Variants in GMDS observed in about 807,000 individuals in gnomAD.
GMDS encodes GDP-mannose 4,6 dehydratase.
In GMDS, 20 loss-of-function variants were observed where a neutral mutation model predicts 49.9. The ratio of observed to expected loss-of-function variants is 0.40; its 90% CI spans 0.28 to 0.58. The LOEUF (loss-of-function observed/expected upper bound fraction) is 0.58. Among genes scored for constraint, GMDS ranks in the 20% least tolerant of loss-of-function variants. GMDS has a pLI of 0.42. For synonymous variants in GMDS, 177 were observed against 178.6 expected (o/e 0.99, Z 0.07); for missense variants, 362 against 481.4 (o/e 0.75, Z 2.32).
At chr6:2,054,223 A>G (rs1238177222) in intron 4 of GMDS, among the ~76,000 whole-genome samples, 1 of 152,154 alleles carries the variant, frequency 6.6e-6, no homozygotes, top group Non-Finnish European at 1.5e-5. Flanking sequence ...AAAAAGGAAG[A>G]TATCCAGAAG....
intron 1 of GMDS, among the ~76,000 whole-genome samples, chr6:2,155,868 C>T (rs1034226779): frequency 6.6e-5 from 10 of 151,986 alleles, no homozygotes; most frequent in Admixed American, 1.3e-4. Flanking sequence ...TTCTAAATTA[C>T]GTAAATGAAA....
intron 1 of GMDS, among the ~76,000 whole-genome samples, chr6:2,150,426 T>C (rs927603994): frequency 4.6e-5 from 7 of 152,142 alleles, no homozygotes; most frequent in Non-Finnish European, 2.9e-5. Context: ...AAAATTTCAC[T>C]AAGTGGAATG....
chr6:2,089,024 A>G (rs1294121174), intron 4 of GMDS, among the ~76,000 whole-genome samples: 2 of 152,352 alleles, frequency 1.3e-5, no homozygotes, highest in East Asian at 1.9e-4. Flanking sequence ...TGTGTAAATC[A>G]CTACACGAAA....
intron 7 of GMDS, among the ~76,000 whole-genome samples, chr6:1,851,715 A>G (rs558861308): frequency 6.6e-6 from 1 of 152,316 alleles, no homozygotes; most frequent in East Asian, 1.9e-4. Flanking sequence ...TATATTTTTT[A>G]AAAATAATAA....
At chr6:2,017,232 T>C (rs2127401384) in intron 4 of GMDS, among the ~76,000 whole-genome samples, 1 of 151,892 alleles carries the variant, frequency 6.6e-6, no homozygotes, top group East Asian at 1.9e-4. Context: ...ATGCCAGGAA[T>C]GAAAGACAGC....
chr6:2,150,565 C>A (rs1776792688), intron 1 of GMDS, among the ~76,000 whole-genome samples: 1 of 152,110 alleles, frequency 6.6e-6, no homozygotes. Context: ...CCACTAACTT[C>A]TTTTGGCTTC....
chr6:2,070,817 T>G (rs73412572), intron 4 of GMDS, among the ~76,000 whole-genome samples: 1,952 of 152,302 alleles, frequency 0.013, 34 homozygotes, highest in African/African-American at 0.043. Context: ...TTCCAATTCC[T>G]GAACACAGAT....
chr6:1,913,721 A>G (rs1761202390), intron 7 of GMDS, among the ~76,000 whole-genome samples: 1 of 152,192 alleles, frequency 6.6e-6, no homozygotes, highest in Admixed American at 6.5e-5. Flanking sequence ...CACTCAGAAA[A>G]CCACAGGGGT....
intron 4 of GMDS, among the ~76,000 whole-genome samples, chr6:2,099,678 T>C (rs1365511691): frequency 6.6e-6 from 1 of 152,110 alleles, no homozygotes; most frequent in Non-Finnish European, 1.5e-5. Flanking sequence ...CTTTAATTTA[T>C]ACTTTCTGAC....
At chr6:2,154,862 G>GAAAAAAAAAAAAAAAAA (rs1562103386) in intron 1 of GMDS, among the ~76,000 whole-genome samples, 2 of 33,830 alleles carry the variant, frequency 5.9e-5, no homozygotes, top group African/African-American at 1.5e-4. Flanking sequence ...TTGAAGAGAT[G>GAAAAAAAAAAAAAAAAA]CAAAAAAAAA....
At chr6:2,002,543 C>A (rs1561964482) in intron 4 of GMDS, among the ~76,000 whole-genome samples, 3 of 152,202 alleles carry the variant, frequency 2.0e-5, no homozygotes, top group African/African-American at 7.2e-5. Context: ...TTCAATGTCA[C>A]TATTTATTCC....
At chr6:1,897,467 G>A (rs1051872995) in intron 7 of GMDS, among the ~76,000 whole-genome samples, 3 of 152,184 alleles carry the variant, frequency 2.0e-5, no homozygotes, top group Non-Finnish European at 4.4e-5. Flanking sequence ...TGGAAAGGGA[G>A]CTTAATGTGG....
In GMDS at chr6:2,235,294, A is replaced by G. The variant is rs114556928; in HGVS notation, c.102+10027T>C. ...AGACTTCTTCAGGCCAACTGAGACT[A>G]ATCTATCAGATTAAACTTACTAAAC... is the stretch of plus-strand genomic sequence containing the variant. On this transcript the variant is annotated intron_variant, in intron 1 of 10. Transcript: ENST00000380815. Among the ~76,000 whole-genome samples the G allele has an allele frequency of 6.1e-3, 931 of 152,314 alleles. 3 individuals carry two copies. The highest frequency in any genetic ancestry group is 0.017 in the Middle Eastern group (5 of 294).
intron 4 of GMDS, among the ~76,000 whole-genome samples, chr6:1,994,354 C>T (rs1045406691): frequency 2.0e-5 from 3 of 152,138 alleles, no homozygotes; most frequent in South Asian, 2.1e-4. Flanking sequence ...ATTAACATCA[C>T]TCCTGAAACT....
intron 4 of GMDS, among the ~76,000 whole-genome samples, chr6:1,966,083 A>G (rs1764242277): frequency 6.6e-6 from 1 of 152,278 alleles, no homozygotes; most frequent in East Asian, 1.9e-4. Flanking sequence ...AATAGCTGCA[A>G]CAGAGTTATT....
At chr6:1,796,994 T>C (rs226458) in intron 7 of GMDS, among the ~76,000 whole-genome samples, 62,540 of 151,930 alleles carry the variant, frequency 0.41, 13,036 homozygotes, top group African/African-American at 0.47. Flanking sequence ...TCATGACTGC[T>C]GTGTGCTCAA....
intron 1 of GMDS, among the ~76,000 whole-genome samples, chr6:2,134,033 C>T (rs1490314045): frequency 6.6e-6 from 1 of 152,138 alleles, no homozygotes; most frequent in East Asian, 1.9e-4. Flanking sequence ...AGAAGGTATC[C>T]AAAATAACTT....
chr6:2,178,374 G>T (rs976968129), intron 1 of GMDS, among the ~76,000 whole-genome samples: 3 of 152,154 alleles, frequency 2.0e-5, no homozygotes, highest in African/African-American at 7.2e-5. Flanking sequence ...AAGGAGGCAT[G>T]TCTGACATGG....
chr6:1,788,476 T>C (rs930609658), intron 7 of GMDS, among the ~76,000 whole-genome samples: 12 of 152,146 alleles, frequency 7.9e-5, no homozygotes, highest in Non-Finnish European at 1.5e-4. Context: ...CTGGCAGAAA[T>C]GTCTGGGAAG....
Sources: allele counts gnomAD v4.1 joint callset (sites outside exome capture counted in the v4.1 genomes callset), GRCh38; gene constraint gnomAD v4.1.1; transcripts MANE v1.5; gene names NCBI Gene and HGNC (gene_info 2026-07-23, HGNC 2026-07-21).